Variants in LINGO2 observed in about 807,000 individuals in gnomAD.
The protein encoded by LINGO2 is leucine rich repeat and Ig domain containing 2.
In LINGO2, 14 loss-of-function variants were observed where a neutral mutation model predicts 30.6. The observed-to-expected ratio is 0.46, with a 90% CI of 0.30 to 0.72. The LOEUF is 0.72. Among genes scored for constraint, LINGO2 ranks in the 30% least tolerant of loss-of-function variants. LINGO2 has a pLI of 0.07. For missense variants in LINGO2, 729 were observed against 751.7 expected, an observed-to-expected ratio of 0.97 and a Z score of 0.35; for synonymous variants, 317 against 288.5, an observed-to-expected ratio of 1.10 and a Z score of -1.00.
chr9:28,183,686 T>C (rs887883820), intron 4 of LINGO2, among the ~76,000 whole-genome samples: 2 of 152,132 alleles, frequency 1.3e-5, no homozygotes, highest in Non-Finnish European at 2.9e-5. Flanking sequence ...ATTCCACTCT[T>C]ATTTTTAGAT....
intron 1 of LINGO2, among the ~76,000 whole-genome samples, chr9:28,489,807 A>G (rs1174247605): frequency 1.3e-5 from 2 of 149,194 alleles, no homozygotes; most frequent in Non-Finnish European, 3.0e-5. Context: ...CTGAGGCAGG[A>G]TAATCACTTG....
chr9:28,603,203 TAA>T (rs1825561762), intron 1 of LINGO2, among the ~76,000 whole-genome samples: 1 of 152,158 alleles, frequency 6.6e-6, no homozygotes, highest in Non-Finnish European at 1.5e-5. Flanking sequence ...AAGTTCACAA[TAA>T]AAGTCTGTAC....
At chr9:29,119,129 C>T in the LINGO2 span, among the ~76,000 whole-genome samples, 13 of 152,058 alleles carry the variant, frequency 8.5e-5, no homozygotes, top group Admixed American at 5.9e-4. Context: ...CCTGCCCATG[C>T]GATGGCCAGG....
chr9:29,029,458 G>C, the LINGO2 span, among the ~76,000 whole-genome samples: 5 of 152,066 alleles, frequency 3.3e-5, no homozygotes, highest in Non-Finnish European at 5.9e-5. Context: ...AAAATGGGTA[G>C]CAGAGAACTC....
intron 1 of LINGO2, among the ~76,000 whole-genome samples, chr9:28,512,394 G>A (rs1389540240): frequency 1.3e-5 from 2 of 151,488 alleles, no homozygotes; most frequent in African/African-American, 4.9e-5. Flanking sequence ...ACTGCCAAAG[G>A]CTCCAAACAG....
chr9:28,621,802 A>G (rs1826411285), intron 1 of LINGO2, among the ~76,000 whole-genome samples: 1 of 152,104 alleles, frequency 6.6e-6, no homozygotes, highest in African/African-American at 2.4e-5. Context: ...TGTTTACACT[A>G]TAATATTGTA....
At chr9:29,092,730 GGT>G in the LINGO2 span, among the ~76,000 whole-genome samples, 1 of 136,914 alleles carries the variant, frequency 7.3e-6, no homozygotes, top group African/African-American at 2.7e-5. Context: ...CAAAGTGATA[GGT>G]AAGTTTTCTG....
chr9:28,256,950 G>T (rs1385564188), intron 4 of LINGO2, among the ~76,000 whole-genome samples: 1 of 151,774 alleles, frequency 6.6e-6, no homozygotes, highest in Non-Finnish European at 1.5e-5. Flanking sequence ...TTTTTATTCT[G>T]CCTTTAAATC....
At chr9:28,464,958 G>A (rs2135139844) in intron 2 of LINGO2, among the ~76,000 whole-genome samples, 1 of 152,330 alleles carries the variant, frequency 6.6e-6, no homozygotes, top group African/African-American at 2.4e-5. Flanking sequence ...ACCCTTGTGG[G>A]AGTAGGAGCA....
intron 1 of LINGO2, among the ~76,000 whole-genome samples, chr9:28,576,297 G>T (rs1823984489): frequency 2.0e-5 from 3 of 152,258 alleles, no homozygotes; most frequent in South Asian, 4.1e-4. Flanking sequence ...ACAGAGGAAA[G>T]ATCAAAATTC....
At chr9:28,005,829 A>G (rs1428567960) in intron 5 of LINGO2, among the ~76,000 whole-genome samples, 2 of 152,006 alleles carry the variant, frequency 1.3e-5, no homozygotes, top group East Asian at 3.9e-4. Context: ...CAGCTTCATA[A>G]GAAAGCATCC....
Position 28,294,036 on chromosome 9 carries a change from A to G in LINGO2, c.-87+1172T>C, listed in dbSNP as rs532352655. Among the ~76,000 whole-genome samples the G allele has an allele frequency of 2.6e-5, 4 of 152,286 alleles. No individual in the cohort carries two copies. In the South Asian group the frequency reaches 8.3e-4, roughly 32 times the overall value. On this transcript the variant is annotated intron_variant, in intron 4 of 5. Coordinates refer to ENST00000379992, the Ensembl canonical transcript of LINGO2. Reference sequence around the variant, plus strand: ...AGTTCATCAAATAAACATTTCTGCCATGAGATTGGTAATCTACACTATTTC... The same window carrying G: ...AGTTCATCAAATAAACATTTCTGCCGTGAGATTGGTAATCTACACTATTTC...
chr9:28,407,768 A>G (rs7850351), intron 2 of LINGO2, among the ~76,000 whole-genome samples: 140,075 of 152,204 alleles, frequency 0.92, 64,588 homozygotes, highest in East Asian at 1. Context: ...TCCTTACATT[A>G]TATTTACTGA....
chr9:28,876,704 T>C, the LINGO2 span, among the ~76,000 whole-genome samples: 6 of 152,298 alleles, frequency 3.9e-5, no homozygotes, highest in East Asian at 9.7e-4. Flanking sequence ...AGTGCCGCAA[T>C]AAACATACGT....
chr9:28,041,881 T>G (rs140262780), intron 4 of LINGO2, among the ~76,000 whole-genome samples: 3 of 152,292 alleles, frequency 2.0e-5, no homozygotes, highest in African/African-American at 7.2e-5. Flanking sequence ...TCAAAACCCA[T>G]GAACTACTTT....
At chr9:28,082,951 A>G (rs1825813805) in intron 4 of LINGO2, among the ~76,000 whole-genome samples, 1 of 152,080 alleles carries the variant, frequency 6.6e-6, no homozygotes, top group Admixed American at 6.6e-5. Flanking sequence ...ACTGATCATT[A>G]TTGTCCCCTC....
chr9:28,610,367 TATC>T (rs1825864204), intron 1 of LINGO2, among the ~76,000 whole-genome samples: 4 of 152,274 alleles, frequency 2.6e-5, no homozygotes, highest in South Asian at 2.1e-4. Flanking sequence ...TTCCTCCAAT[TATC>T]ATGGGCACAT....
At chr9:28,123,830 A>AT (rs1180550508) in intron 4 of LINGO2, among the ~76,000 whole-genome samples, 26 of 151,700 alleles carry the variant, frequency 1.7e-4, no homozygotes, top group African/African-American at 6.3e-4. Flanking sequence ...CTCCTGGCTA[A>AT]TTTTTTGTAT....
the LINGO2 span, among the ~76,000 whole-genome samples, chr9:29,074,958 G>C: frequency 6.6e-6 from 1 of 151,938 alleles, no homozygotes; most frequent in Non-Finnish European, 1.5e-5. Flanking sequence ...TTACAGGCGT[G>C]AGCCACCGCG....
Sources: allele counts gnomAD v4.1 joint callset (sites outside exome capture counted in the v4.1 genomes callset), GRCh38; gene constraint gnomAD v4.1.1; transcripts MANE v1.5; gene names NCBI Gene and HGNC (gene_info 2026-07-23, HGNC 2026-07-21).